Variants in LMNA observed in about 807,000 individuals in gnomAD.
LMNA encodes lamin.
A neutral mutation model predicts 70.4 loss-of-function variants in LMNA; 20 were observed. The observed-to-expected ratio is 0.28, with a 90% CI of 0.20 to 0.41. The LOEUF is 0.41. Among genes scored for constraint, LMNA ranks in the 10% least tolerant of loss-of-function variants. The probability of loss-of-function intolerance (pLI) is 1.00; values close to 1 mark genes in which losing one functional copy is unlikely to be tolerated. For synonymous variants in LMNA, 339 were observed against 372.8 expected, an observed-to-expected ratio of 0.91 and a Z score of 1.04; for missense variants, 652 against 917.2, an observed-to-expected ratio of 0.71 and a Z score of 3.73.
At chr1:156,126,781 CT>C in intron 1 of LMNA, 2 of 1,599,388 alleles carry the variant, frequency 1.3e-6, no homozygotes, top group Admixed American at 1.7e-5. Context: ...CCCAGCCCTT[CT>C]CGCCTCAAGA....
At chr1:156,125,784 T>C (rs934001453) in intron 1 of LMNA, among the ~76,000 whole-genome samples, 1 of 151,054 alleles carries the variant, frequency 6.6e-6, no homozygotes, top group Non-Finnish European at 1.5e-5. Flanking sequence ...AGGTCAGGAG[T>C]CCGAGACCAG....
chr1:156,090,810 G>A (rs1648669409), intron 3 of LMNA, among the ~76,000 whole-genome samples: 1 of 152,230 alleles, frequency 6.6e-6, no homozygotes, highest in South Asian at 2.1e-4. Context: ...TGCTGGTTGA[G>A]CAGGTGGCCG....
chr1:156,089,515 C>T (rs772813912), intron 2 of LMNA, among the ~76,000 whole-genome samples: 4 of 151,440 alleles, frequency 2.6e-5, no homozygotes, highest in South Asian at 2.1e-4. Context: ...AGGCTGGTCT[C>T]GAACTCCTGA....
intron 2 of LMNA, among the ~76,000 whole-genome samples, chr1:156,089,592 TA>T (rs750186138): frequency 9.5e-5 from 8 of 84,364 alleles, no homozygotes; most frequent in Admixed American, 1.6e-4. Flanking sequence ...AAACTCCGTC[TA>T]AAAAAAAAAA....
intron 1 of LMNA, among the ~76,000 whole-genome samples, chr1:156,120,883 A>G (rs527769167): frequency 6.6e-6 from 1 of 151,786 alleles, no homozygotes; most frequent in South Asian, 2.1e-4. Flanking sequence ...CTATCTTGAG[A>G]CTTGTCATGG....
intron 3 of LMNA, among the ~76,000 whole-genome samples, chr1:156,096,053 G>A (rs1210754209): frequency 6.6e-6 from 1 of 152,204 alleles, no homozygotes; most frequent in Non-Finnish European, 1.5e-5. Flanking sequence ...TCTAGTCTCA[G>A]CTTTTATGTT....
chr1:156,126,163 A>ACCC, intron 1 of LMNA: 1 of 1,518,286 alleles, frequency 6.6e-7, no homozygotes, highest in South Asian at 1.2e-5. Flanking sequence ...GGGCTGGGAG[A>ACCC]CCCTCTGCTC....
chr1:156,125,226 G>A (rs1174832859), intron 1 of LMNA, among the ~76,000 whole-genome samples: 2 of 152,238 alleles, frequency 1.3e-5, no homozygotes, highest in South Asian at 4.1e-4. Context: ...CAAGTAGGCT[G>A]AGGGGTAGGG....
intron 3 of LMNA, among the ~76,000 whole-genome samples, chr1:156,096,825 A>C (rs1308318381): frequency 6.6e-6 from 1 of 152,014 alleles, no homozygotes; most frequent in Non-Finnish European, 1.5e-5. Context: ...CCCCTTGGCC[A>C]CCTCCCTTGC....
chr1:156,093,976 C>G (rs1198500241), intron 3 of LMNA, among the ~76,000 whole-genome samples: 1 of 152,158 alleles, frequency 6.6e-6, no homozygotes, highest in Non-Finnish European at 1.5e-5. Context: ...CCCTCGCAGC[C>G]TGCCCTCATC....
At position 156,114,855 on chromosome 1, in the gene LMNA, G is replaced by T. The variant is rs1053268458; in HGVS notation, c.-64G>T. ...CGACTCCGAGCAGTCTCTGTCCTTC[G>T]ACCCGAGCCCCGCGCCCTTTCCGGG... On this transcript the variant is annotated 5_prime_UTR_variant, in exon 1 of 12. Transcript: ENST00000368300. 3 of 1,193,028 alleles carry T rather than the reference G, an allele frequency of 2.5e-6. No homozygotes were observed. The highest frequency in any genetic ancestry group is 2.6e-5 in the Admixed American group (1 of 38,312). 73.9% of individuals were successfully genotyped at this position (1,193,028 alleles called of 1,614,324 possible). A position where few individuals can be genotyped will look rare whatever the true frequency, so the allele number is the denominator to read the frequency against.
At chr1:156,084,328 C>T (rs74965833) in intron 2 of LMNA, among the ~76,000 whole-genome samples, 12,457 of 89,176 alleles carry the variant, frequency 0.14, 1,566 homozygotes, top group Non-Finnish European at 0.21. Context: ...CTCAGAAGGT[C>T]GGGGGGTGGT....
At chr1:156,107,330 T>G (rs1649388306) in intron 3 of LMNA, among the ~76,000 whole-genome samples, 1 of 152,228 alleles carries the variant, frequency 6.6e-6, no homozygotes, top group Admixed American at 6.5e-5. Context: ...GACCTGCTCT[T>G]TGACATCTGT....
chr1:156,137,562 A>T lies in LMNA; in HGVS notation c.1609-92A>T. 2 of 1,188,106 alleles carry T rather than the reference A, an allele frequency of 1.7e-6. No individual in the cohort carries two copies. Among genetic ancestry groups the T allele is most frequent in the Non-Finnish European group, 2.4e-6 (2 of 822,816 alleles). 73.6% of individuals were successfully genotyped at this position (1,188,106 alleles called of 1,614,324 possible). On this transcript the variant is annotated intron_variant, in intron 9 of 11. Coordinates refer to ENST00000368300, the MANE Select transcript of LMNA (RefSeq NM_170707.4). The surrounding 1 kb of genome is among the most constrained non-coding windows in gnomAD (Gnocchi z 4.6). ...CAGCAGGCCGGACAAAGGGCAGGCC[A>T]CAAGAAAAGTTGCAGGTGGTCACTG...
intron 2 of LMNA, among the ~76,000 whole-genome samples, chr1:156,089,837 G>T (rs1433737653): frequency 6.6e-6 from 1 of 152,212 alleles, no homozygotes; most frequent in East Asian, 1.9e-4. Flanking sequence ...AGCTCAGAGG[G>T]GCTGGGGTGG....
chr1:156,089,338 C>T (rs1302906922), intron 2 of LMNA, among the ~76,000 whole-genome samples: 2 of 151,842 alleles, frequency 1.3e-5, no homozygotes, highest in African/African-American at 2.4e-5. Flanking sequence ...CTCTGTTGCT[C>T]AGGCTGGAAT....
intron 1 of LMNA, among the ~76,000 whole-genome samples, chr1:156,116,876 T>G (rs528856674): frequency 3.3e-5 from 5 of 152,032 alleles, no homozygotes; most frequent in Admixed American, 1.3e-4. Flanking sequence ...TCACCCTTCT[T>G]TCTGAAGAGT....
chr1:156,129,765 G>A lies in LMNA; in HGVS notation c.357-852G>A, dbSNP rs182080108. The A allele has an allele frequency of 1.6e-3, 1,085 of 695,076 alleles. 3 individuals are homozygous for A. The highest frequency in any genetic ancestry group is 2.4e-3 in the Non-Finnish European group (878 of 370,058). The allele number at this position is 695,076 out of a possible 1,614,324, so 43.1% of individuals were successfully genotyped here. A position where few individuals can be genotyped will look rare whatever the true frequency, so the allele number is the denominator to read the frequency against. On this transcript the variant is annotated intron_variant, in intron 1 of 11. Coordinates refer to ENST00000368300, the MANE Select transcript of LMNA (RefSeq NM_170707.4). The stretch of plus-strand genomic sequence containing the variant: ...TCAGGGGCCCAGAAAAGGTGAGGGA[G>A]GTGGCAGAGGCAGCGCTGTTCGACT...
rs1355256454 is a variant in LMNA, at chr1:156,139,769, G to A, written c.*663G>A. The A allele has an allele frequency of 6.6e-7, 1 of 1,524,764 alleles. No individual in the cohort carries two copies. The highest frequency in any genetic ancestry group is 2.0e-5 in the Admixed American group (1 of 50,634). 94.5% of individuals were successfully genotyped at this position (1,524,764 alleles called of 1,614,324 possible). A position where few individuals can be genotyped will look rare whatever the true frequency, so the allele number is the denominator to read the frequency against. On this transcript the variant is annotated 3_prime_UTR_variant, in exon 12 of 12. Coordinates refer to ENST00000368300, the MANE Select transcript of LMNA (RefSeq NM_170707.4). ...CGCTTGCTTTTCTGTATTTTATTTA[G>A]ACAAGAGATGGGAATGAGGTGGGAG...
Sources: gnomAD v4.1 joint callset for allele counts (sites outside exome capture counted in the v4.1 genomes callset) on GRCh38, gnomAD v4.1.1 for gene constraint, Gnocchi (gnomAD v3.1) non-coding constraint, MANE v1.5 for transcripts, NCBI Gene and HGNC (gene_info 2026-07-23, HGNC 2026-07-21) for gene names.